The following FAM83B variants were observed in gnomAD, a reference collection of about 807,000 sequenced individuals.
The protein encoded by FAM83B is scaffolding CK1 anchoring protein B.
A neutral mutation model predicts 38.8 loss-of-function variants in FAM83B; 26 were observed. The ratio of observed to expected loss-of-function variants is 0.67; its 90% CI spans 0.49 to 0.93. The LOEUF (loss-of-function observed/expected upper bound fraction) is 0.93. FAM83B is among the 40% of genes least tolerant of loss of function. The pLI is 0.00. For synonymous variants in FAM83B, 419 were observed against 423.1 expected (o/e 0.99, Z 0.12); for missense variants, 1,237 against 1,197.3 (o/e 1.03, Z -0.49).
chr6:54,848,110 G>C (rs1480030466), intron 1 of FAM83B, among the ~76,000 whole-genome samples: 1 of 150,900 alleles, frequency 6.6e-6, no homozygotes, highest in Non-Finnish European at 1.5e-5. Context: ...TGGAGTGGGG[G>C]TGGGGGTGGC....
intron 1 of FAM83B, among the ~76,000 whole-genome samples, chr6:54,867,676 C>G (rs1319582771): frequency 1.3e-5 from 2 of 151,598 alleles, no homozygotes; most frequent in Non-Finnish European, 2.9e-5. Context: ...TTTCATGGTC[C>G]TTTCGAGGTC....
At chr6:54,938,004 G>C (rs73432383) in intron 4 of FAM83B, among the ~76,000 whole-genome samples, 8,260 of 151,916 alleles carry the variant, frequency 0.054, 750 homozygotes, top group African/African-American at 0.19. Context: ...ATATACCCAA[G>C]GTGTAGTCTG....
intron 2 of FAM83B, among the ~76,000 whole-genome samples, chr6:54,909,340 A>G (rs1275257971): frequency 6.6e-6 from 1 of 152,160 alleles, no homozygotes; most frequent in Non-Finnish European, 1.5e-5. Context: ...CCCTCTTGGA[A>G]TGCTGTAGAT....
intron 2 of FAM83B, among the ~76,000 whole-genome samples, chr6:54,924,131 G>T: frequency 6.6e-6 from 1 of 150,578 alleles, no homozygotes; most frequent in South Asian, 2.1e-4. Context: ...ATGCCCTCCG[G>T]GTTCATTCAT....
rs763592072 is a variant in FAM83B, at chr6:54,940,465, A to C, written c.1494A>C (p.Glu498Asp). Reference protein sequence around the residue: ...TKSFLRNWRIESYLNDHSEAT... With the variant: ...TKSFLRNWRIDSYLNDHSEAT... ...CATTCCTACGTAACTGGAGAATTGAATCCTACTTAAATGATCATTCAGAAG... is the reference window on the plus strand; with the variant it reads ...CATTCCTACGTAACTGGAGAATTGACTCCTACTTAAATGATCATTCAGAAG... The change falls in exon 5 of 5, where the codon GAA becomes GAC. Residue 498 changes from glutamate to aspartate, a missense_variant. By Grantham distance (45) the Glu-to-Asp change is conservative. Coordinates refer to ENST00000306858, the MANE Select transcript of FAM83B (RefSeq NM_001010872.3). 20 of 1,614,098 alleles carry C rather than the reference A, an allele frequency of 1.2e-5. No homozygotes were observed. In the South Asian group the frequency reaches 2.2e-4, roughly 18 times the overall value.
At chr6:54,868,106 G>A (rs1771761015) in intron 1 of FAM83B, among the ~76,000 whole-genome samples, 1 of 152,102 alleles carries the variant, frequency 6.6e-6, no homozygotes, top group Non-Finnish European at 1.5e-5. Flanking sequence ...CTAACAATGA[G>A]CATTATGTGC....
intron 1 of FAM83B, among the ~76,000 whole-genome samples, chr6:54,847,206 C>T (rs1192837524): frequency 1.4e-5 from 2 of 144,280 alleles, no homozygotes; most frequent in African/African-American, 5.3e-5. Flanking sequence ...GGAGGGGAAG[C>T]GGGAGGAGAG....
intron 1 of FAM83B, among the ~76,000 whole-genome samples, chr6:54,860,478 A>T (rs187407612): frequency 6.6e-6 from 1 of 152,312 alleles, no homozygotes; most frequent in African/African-American, 2.4e-5. Context: ...AGAATATCCT[A>T]AAAAAATCTT....
At position 54,939,889 on chromosome 6, in the gene FAM83B, C is replaced by T. The variant is rs749476596; in HGVS notation, c.918C>T (p.Tyr306=). The change falls in exon 5 of 5, where the codon TAC becomes TAT. Residue 306 remains tyrosine, a synonymous_variant. Coordinates refer to ENST00000306858, the MANE Select transcript of FAM83B (RefSeq NM_001010872.3). ...HGKALWENGT[Y]QHSVSSLASV... Reference sequence around the variant, plus strand: ...AAGCCCTCTGGGAAAATGGCACTTACCAGCATTCGGTGTCTTCATTAGCAT... The same window carrying T: ...AAGCCCTCTGGGAAAATGGCACTTATCAGCATTCGGTGTCTTCATTAGCAT... The T allele has an allele frequency of 5.0e-6, 8 of 1,613,836 alleles. No individual in the cohort carries two copies. Among genetic ancestry groups the T allele is most frequent in the South Asian group, 2.2e-5 (2 of 91,086 alleles).
intron 1 of FAM83B, among the ~76,000 whole-genome samples, chr6:54,854,653 C>T (rs1418843048): frequency 6.6e-6 from 1 of 152,168 alleles, no homozygotes; most frequent in African/African-American, 2.4e-5. Context: ...GTAAACATAA[C>T]TTATATATGC....
At chr6:54,861,614 T>G (rs1456955759) in intron 1 of FAM83B, among the ~76,000 whole-genome samples, 2 of 152,152 alleles carry the variant, frequency 1.3e-5, no homozygotes, top group Admixed American at 1.3e-4. Flanking sequence ...GTCTCTTGGG[T>G]TCTTTCTGGC....
At chr6:54,933,665 G>A (rs1450171945) in intron 4 of FAM83B, among the ~76,000 whole-genome samples, 1 of 152,082 alleles carries the variant, frequency 6.6e-6, no homozygotes, top group East Asian at 1.9e-4. Context: ...ATTCAGCCCA[G>A]CCACAGATTC....
chr6:54,928,960 CTCTA>C, intron 4 of FAM83B, among the ~76,000 whole-genome samples: 1 of 152,142 alleles, frequency 6.6e-6, no homozygotes, highest in Admixed American at 6.6e-5. Context: ...AATTATATAT[CTCTA>C]TCTTTCTGTC....
At chr6:54,877,446 G>T (rs13212754) in intron 2 of FAM83B, among the ~76,000 whole-genome samples, 2,424 of 152,216 alleles carry the variant, frequency 0.016, 33 homozygotes, top group Middle Eastern at 0.082. Flanking sequence ...TAAGGATTCT[G>T]CCTGCTGTCT....
At chr6:54,899,760 A>T (rs531256657) in intron 2 of FAM83B, among the ~76,000 whole-genome samples, 193 of 152,278 alleles carry the variant, frequency 1.3e-3, no homozygotes, top group Non-Finnish European at 2.1e-3. Flanking sequence ...AGAGGTTAGG[A>T]TCCCAACATA....
At chr6:54,934,934 TAA>T (rs918803329) in intron 4 of FAM83B, among the ~76,000 whole-genome samples, 27 of 152,320 alleles carry the variant, frequency 1.8e-4, no homozygotes, top group Middle Eastern at 3.4e-3. Context: ...AAACTTCCTA[TAA>T]GTCAGCCACC....
At chr6:54,867,158 T>C (rs1039681605) in intron 1 of FAM83B, among the ~76,000 whole-genome samples, 1 of 151,674 alleles carries the variant, frequency 6.6e-6, no homozygotes, top group Non-Finnish European at 1.5e-5. Flanking sequence ...TTTTAATAGT[T>C]ATTAATAAAA....
Position 54,942,732 on chromosome 6 carries a change from T to TTTTTTTTTTTTTTTTTTTTTG in FAM83B, c.*725_*726insTTTTTTTTTTTTTTTTTTTTG, listed in dbSNP as rs1561934815. On this transcript the variant is annotated 3_prime_UTR_variant, in exon 5 of 5. Coordinates refer to ENST00000306858, the MANE Select transcript of FAM83B (RefSeq NM_001010872.3). Reference sequence around the variant, plus strand: ...TTACCCATAGGCTGCTGATTTTTTATAGTCATTCCTTACTTCACATTTAGG... The same window carrying TTTTTTTTTTTTTTTTTTTTTG: ...TTACCCATAGGCTGCTGATTTTTTATTTTTTTTTTTTTTTTTTTTTGAGTCATTCCTTACTTCACATTTAGG... Among the ~76,000 whole-genome samples the TTTTTTTTTTTTTTTTTTTTTG allele has an allele frequency of 2.6e-5, 4 of 151,752 alleles. No homozygotes were observed. Among genetic ancestry groups the TTTTTTTTTTTTTTTTTTTTTG allele is most frequent in the African/African-American group, 9.7e-5 (4 of 41,108 alleles).
Position 54,926,385 on chromosome 6 carries a change from G to T in FAM83B, c.459G>T (p.Val153=). The change falls in exon 3 of 5, where the codon GTG becomes GTT. Residue 153 remains valine, a synonymous_variant. Coordinates refer to ENST00000306858, the MANE Select transcript of FAM83B (RefSeq NM_001010872.3). ...ATATTTAACAGGTCATTGCTTTAGT[G>T]ATGGATATATTTACAGATGTGGACA... is the stretch of plus-strand genomic sequence containing the variant. ...IKEARKVIAL[V]MDIFTDVDIF... 6.3e-7 allele frequency: 1 copy of T among 1,596,768 alleles called. No homozygotes were observed. Among genetic ancestry groups the T allele is most frequent in the Non-Finnish European group, 8.5e-7 (1 of 1,169,708 alleles).
Sources: gnomAD v4.1 joint callset for allele counts (sites outside exome capture counted in the v4.1 genomes callset) on GRCh38, gnomAD v4.1.1 for gene constraint, MANE v1.5 for transcripts, NCBI Gene and HGNC (gene_info 2026-07-23, HGNC 2026-07-21) for gene names.